CLUL1: variants seen among roughly 807,000 people sequenced by gnomAD.
CLUL1 encodes clusterin like 1, also known as clusterin-like protein 1.
In CLUL1, 43 loss-of-function variants were observed where a neutral mutation model predicts 49.4. The observed-to-expected ratio is 0.87, with a 90% CI of 0.68 to 1.12. CLUL1 has a LOEUF of 1.12. CLUL1 is among the 50% of genes most tolerant of loss of function. The probability of loss-of-function intolerance (pLI) is 0.00; values close to 1 mark genes in which losing one functional copy is unlikely to be tolerated. For synonymous variants in CLUL1, 192 were observed against 184.9 expected, an observed-to-expected ratio of 1.04 and a Z score of -0.31; for missense variants, 486 against 544.4, an observed-to-expected ratio of 0.89 and a Z score of 1.07.
Position 618,056 on chromosome 18 carries a change from A to G in CLUL1, c.56A>G (p.His19Arg), listed in dbSNP as rs752597508. ...TGTCTGCTGTGGTTGAAAGACAGTC[A>G]CTGCGCACCCACTTGGAAGGACAAA... Reference protein sequence around the residue: ...IVCLLWLKDSHCAPTWKDKTA... With the variant: ...IVCLLWLKDSRCAPTWKDKTA... The change falls in exon 3 of 10, where the codon CAC (histidine) becomes CGC (arginine). Residue 19 changes from histidine (H) to arginine (R), a missense_variant. Transcript: ENST00000692774. This position sits in a 1 kb window ranked among gnomAD's most constrained non-coding sequence, Gnocchi z 4.2. 4 of 1,614,150 alleles carry G rather than the reference A, an allele frequency of 2.5e-6. No homozygotes were observed. The highest frequency in any genetic ancestry group is 1.1e-5 in the South Asian group (1 of 91,078).
At position 632,233 on chromosome 18, in the gene CLUL1, C is replaced by T. The variant is rs190966026; in HGVS notation, c.857-1065C>T. Among the ~76,000 whole-genome samples, 3 of 152,234 alleles carry T rather than the reference C, an allele frequency of 2.0e-5. No homozygotes were observed. The South Asian group carries it at 6.2e-4, about 32-fold the overall frequency. On this transcript the variant is annotated intron_variant, in intron 6 of 9. Coordinates refer to ENST00000692774, the MANE Select transcript of CLUL1 (RefSeq NM_001393344.1). ...TCCTAGGGGAAAAAACTTCTCAAAA[C>T]TTGATTGGCTTTAGATATTTTCCTA...
At chr18:628,038 G>A (rs2073863470) in intron 6 of CLUL1, among the ~76,000 whole-genome samples, 1 of 152,180 alleles carries the variant, frequency 6.6e-6, no homozygotes, top group Non-Finnish European at 1.5e-5. Context: ...TCTTGGCCAA[G>A]CTGGTCTCAA....
At chr18:609,426 C>T (rs954095576) in intron 2 of CLUL1, among the ~76,000 whole-genome samples, 7 of 152,044 alleles carry the variant, frequency 4.6e-5, no homozygotes, top group Non-Finnish European at 8.8e-5. Flanking sequence ...CTTTTTTTCC[C>T]TTGGGGACAC....
intron 5 of CLUL1, among the ~76,000 whole-genome samples, chr18:625,691 C>T (rs979958945): frequency 1.3e-5 from 2 of 152,130 alleles, no homozygotes; most frequent in African/African-American, 4.8e-5. Context: ...CTCTGCCCCA[C>T]TAACGGCTCC....
chr18:607,691 G>C (rs948209862), intron 2 of CLUL1, among the ~76,000 whole-genome samples: 18 of 152,100 alleles, frequency 1.2e-4, no homozygotes, highest in Non-Finnish European at 2.5e-4. Flanking sequence ...GCGTCCCAAA[G>C]TGCTGGGATT....
chr18:624,860 A>G lies in CLUL1; in HGVS notation c.256-5A>G, dbSNP rs1395896079. 5 of 1,612,838 alleles carry G rather than the reference A, an allele frequency of 3.1e-6. No homozygotes were observed. Among genetic ancestry groups the G allele is most frequent in the Non-Finnish European group, 4.2e-6 (5 of 1,179,602 alleles). ...AATTGGACTTTTGTTTCTACTTTTAACTAGGAGGCCCTGAAACTTCTGAAT... is the reference window on the plus strand; with the variant it reads ...AATTGGACTTTTGTTTCTACTTTTAGCTAGGAGGCCCTGAAACTTCTGAAT... On this transcript the variant is annotated splice_region_variant and splice_polypyrimidine_tract_variant and intron_variant, in intron 4 of 9. Transcript: ENST00000692774.
intron 7 of CLUL1, among the ~76,000 whole-genome samples, chr18:637,538 C>G (rs1319878758): frequency 2.0e-5 from 3 of 152,182 alleles, no homozygotes; most frequent in Non-Finnish European, 4.4e-5. Flanking sequence ...ATGGACACCT[C>G]TACCCCACCT....
chr18:640,970 A>T (rs902255106), intron 7 of CLUL1, among the ~76,000 whole-genome samples: 3 of 152,180 alleles, frequency 2.0e-5, no homozygotes, highest in Non-Finnish European at 4.4e-5. Flanking sequence ...ATCAAATAGT[A>T]GTGTCCTTTT....
At chr18:645,537 T>A (rs1482667878) in intron 9 of CLUL1, among the ~76,000 whole-genome samples, 3 of 151,996 alleles carry the variant, frequency 2.0e-5, no homozygotes, top group African/African-American at 7.2e-5. Context: ...GGCTCATGCC[T>A]GTAATCCCAG....
intron 9 of CLUL1, among the ~76,000 whole-genome samples, chr18:648,032 A>T (rs942340211): frequency 6.6e-6 from 1 of 152,238 alleles, no homozygotes; most frequent in Non-Finnish European, 1.5e-5. Context: ...GTGTAAATGA[A>T]TATCAGTAGA....
At chr18:619,101 G>A (rs2073399884) in intron 3 of CLUL1, 112 bp from the exon 4 acceptor site, 1 of 989,644 alleles carries the variant, frequency 1.0e-6, no homozygotes, top group East Asian at 2.5e-5. Flanking sequence ...TTCAGAATAT[G>A]AGCCTATAAG....
Position 644,066 on chromosome 18 carries a change from G to C in CLUL1, c.1210-844G>C, listed in dbSNP as rs540024263. Among the ~76,000 whole-genome samples the C allele has an allele frequency of 6.6e-5, 10 of 152,296 alleles. No homozygotes were observed. The East Asian group carries it at 1.9e-3, about 29-fold the overall frequency. On this transcript the variant is annotated intron_variant, in intron 8 of 9. Coordinates refer to ENST00000692774, the MANE Select transcript of CLUL1 (RefSeq NM_001393344.1). Reference sequence around the variant, plus strand: ...AGTGCTGAAGAGAAGCCTTATGAAAGAAATATACAAATTCCAGCAAGTGAA... The same window carrying C: ...AGTGCTGAAGAGAAGCCTTATGAAACAAATATACAAATTCCAGCAAGTGAA...
intron 9 of CLUL1, among the ~76,000 whole-genome samples, chr18:645,418 C>T (rs2074444818): frequency 6.6e-6 from 1 of 152,132 alleles, no homozygotes; most frequent in South Asian, 2.1e-4. Flanking sequence ...AATAATTCCA[C>T]TTCCGAAATC....
At chr18:600,198 CT>C (rs34070671) in intron 1 of CLUL1, among the ~76,000 whole-genome samples, 21,582 of 152,068 alleles carry the variant, frequency 0.14, 1,708 homozygotes, top group Middle Eastern at 0.24. Flanking sequence ...ATCCATTTGC[CT>C]TTTTTTCCCT....
chr18:646,737 T>C (rs149494375), intron 9 of CLUL1, among the ~76,000 whole-genome samples: 81 of 151,862 alleles, frequency 5.3e-4, no homozygotes, highest in African/African-American at 1.9e-3. Context: ...TCTCCCTTTC[T>C]TTCCTTTTTT....
At chr18:607,227 A>C in intron 2 of CLUL1, 128 bp downstream of exon 2, 1 of 618,458 alleles carries the variant, frequency 1.6e-6, no homozygotes, top group Admixed American at 2.3e-5. Flanking sequence ...TCCCAGATTT[A>C]AGGGTTTCTC....
chr18:602,960 C>T (rs73942575), intron 1 of CLUL1, among the ~76,000 whole-genome samples: 2,607 of 152,212 alleles, frequency 0.017, 57 homozygotes, highest in African/African-American at 0.05. Flanking sequence ...CTTGCAGGAC[C>T]TTGTAGGTAA....
At chr18:646,995 C>T (rs1307067465) in intron 9 of CLUL1, among the ~76,000 whole-genome samples, 1 of 152,120 alleles carries the variant, frequency 6.6e-6, no homozygotes, top group African/African-American at 2.4e-5. Flanking sequence ...AAGTAATCCA[C>T]CCACCTTGGC....
chr18:619,475 G>A, intron 4 of CLUL1, 114 bp downstream of exon 4: 1 of 1,003,448 alleles, frequency 1.0e-6, no homozygotes, highest in South Asian at 2.3e-5. Context: ...TTCATGGGTA[G>A]CTGCTTTTAT....
Sources: gnomAD v4.1 joint callset for allele counts (sites outside exome capture counted in the v4.1 genomes callset) on GRCh38, gnomAD v4.1.1 for gene constraint, Gnocchi (gnomAD v3.1) non-coding constraint, MANE v1.5 for transcripts, NCBI Gene and HGNC (gene_info 2026-07-23, HGNC 2026-07-21) for gene names.